The following GNPAT variants were observed in gnomAD, a reference collection of about 807,000 sequenced individuals.
The protein encoded by GNPAT is glyceronephosphate O-acyltransferase, also known as dihydroxyacetone phosphate acyltransferase.
Under a neutral mutation model 78.4 loss-of-function variants are expected in GNPAT, and 30 were observed. The observed-to-expected ratio is 0.38, with a 90% confidence interval of 0.29 to 0.52. The LOEUF (loss-of-function observed/expected upper bound fraction) is 0.52, where lower values mean the gene tolerates loss of function less well. GNPAT is among the 20% of genes least tolerant of loss of function. GNPAT has a pLI of 0.84. For missense variants in GNPAT, 714 were observed against 812.2 expected (o/e 0.88, Z 1.47); for synonymous variants, 271 against 281.1 (o/e 0.96, Z 0.36).
intron 11 of GNPAT, among the ~76,000 whole-genome samples, 189 bp from the exon 12 acceptor site, chr1:231,273,733 T>A (rs1324150345): frequency 6.6e-6 from 1 of 152,206 alleles, no homozygotes; most frequent in East Asian, 1.9e-4. Context: ...CTTCTCTGGC[T>A]ACTATCTCAC....
intron 1 of GNPAT, among the ~76,000 whole-genome samples, chr1:231,246,668 G>A (rs964318699): frequency 1.3e-5 from 2 of 152,162 alleles, no homozygotes; most frequent in Non-Finnish European, 2.9e-5. Flanking sequence ...AACTTCTCAA[G>A]CATGGTATAG....
chr1:231,245,429 G>A (rs1052666735), intron 1 of GNPAT, among the ~76,000 whole-genome samples: 16 of 151,394 alleles, frequency 1.1e-4, no homozygotes, highest in Non-Finnish European at 2.2e-4. Context: ...TTTATTTTGT[G>A]TAGAGACAGG....
chr1:231,270,800 T>C lies in GNPAT; in HGVS notation c.1322T>C (p.Leu441Pro), dbSNP rs1685541166. Residue 441 changes from leucine (L) to proline (P), a missense_variant, in exon 10 of 16, where the codon CTG becomes CCG. Transcript: ENST00000366647. ...AEEVVPASIL[L>P]HSNIASLVKD... The stretch of plus-strand genomic sequence containing the variant: ...GAAGTTGTCCCGGCCAGCATTCTTC[T>C]GCATTCCAACATTGCCAGCCTTGTC... 1.2e-6 allele frequency: 2 copies of C among 1,614,082 alleles called. No homozygotes were observed. The highest frequency in any genetic ancestry group is 1.7e-6 in the Non-Finnish European group (2 of 1,179,882).
chr1:231,268,956 A>G (rs947441499), intron 9 of GNPAT, among the ~76,000 whole-genome samples: 2 of 150,324 alleles, frequency 1.3e-5, no homozygotes, highest in Non-Finnish European at 3.0e-5. Context: ...GTTTTTTTTT[A>G]AAGACCAGAT....
chr1:231,256,469 C>A lies in GNPAT; in HGVS notation c.262-4038C>A, dbSNP rs948427013. On this transcript the variant is annotated intron_variant, in intron 2 of 15. Transcript: ENST00000366647. Reference sequence around the variant, plus strand: ...CATACGCTGTCAGTCACTAAGACTGCTAATTTTCTCTTTTTTTTTTTTTTT... The same window carrying A: ...CATACGCTGTCAGTCACTAAGACTGATAATTTTCTCTTTTTTTTTTTTTTT... 1.4e-4 allele frequency among the ~76,000 whole-genome samples: 19 copies of A among 133,884 alleles called. No homozygotes were observed. The South Asian group carries it at 3.0e-3, about 21-fold the overall frequency. 87.8% of individuals were successfully genotyped at this position (133,884 alleles called of 152,430 possible). A position where few individuals can be genotyped will look rare whatever the true frequency, so the allele number is the denominator to read the frequency against.
At position 231,241,291 on chromosome 1, in the gene GNPAT, C is replaced by A. The variant is rs529367950; in HGVS notation, c.-88C>A. On this transcript the variant is annotated 5_prime_UTR_variant, in exon 1 of 16. Coordinates refer to ENST00000366647, the MANE Select transcript of GNPAT (RefSeq NM_014236.4). ...GCCGCCGCCCTAGGCGAAGTAGGGC[C>A]GTCCTGAGCGAAAGAACCGCCCCCA... The A allele has an allele frequency of 1.3e-4, 188 of 1,394,130 alleles. No individual in the cohort carries two copies. The African/African-American group carries it at 2.4e-3, about 18-fold the overall frequency. The allele number at this position is 1,394,130 out of a possible 1,614,324, so 86.4% of individuals were successfully genotyped here.
In GNPAT at chr1:231,246,031, G is replaced by T. The variant is rs528469624; in HGVS notation, c.78+4575G>T. On this transcript the variant is annotated intron_variant, in intron 1 of 15. Transcript: ENST00000366647. ...CGATTAAATCCTGTTTTTAAAAAAG[G>T]TAATAAATACTGATAACTTAACATT... Among the ~76,000 whole-genome samples the T allele has an allele frequency of 2.0e-5, 3 of 152,250 alleles. No individual in the cohort carries two copies. The East Asian group carries it at 5.8e-4, about 29-fold the overall frequency.
intron 1 of GNPAT, among the ~76,000 whole-genome samples, chr1:231,247,907 T>A (rs1684791824): frequency 6.6e-6 from 1 of 152,168 alleles, no homozygotes; most frequent in East Asian, 1.9e-4. Context: ...CAGGTGGACT[T>A]GATGTAAGTC....
rs528635489 is a variant in GNPAT at position 231,264,919 on chromosome 1, C to G, written c.569-374C>G. 2.8e-3 allele frequency among the ~76,000 whole-genome samples: 420 copies of G among 152,332 alleles called. 1 individual carries two copies. The highest frequency in any genetic ancestry group is 9.6e-3 in the African/African-American group (398 of 41,578). On this transcript the variant is annotated intron_variant, in intron 4 of 15. Coordinates refer to ENST00000366647, the MANE Select transcript of GNPAT (RefSeq NM_014236.4). ...AAAGGGAGTGGTGCATGGAGAAGCA[C>G]AAGGTAACCTCCCAGTGAGCACCTG...
At chr1:231,265,637 A>C in intron 5 of GNPAT, 75 bp from the exon 6 acceptor site, 1 of 981,280 alleles carries the variant, frequency 1.0e-6, no homozygotes, top group Non-Finnish European at 1.7e-6. Flanking sequence ...AGCTTGGGAA[A>C]AGGAATCAAA....
rs1000936677 is a variant in GNPAT, at chr1:231,252,062, A to G, written c.261+919A>G. ...ATTGTATTTTATCCTAGTACAGTGC[A>G]AAGATGTTGAAAGGTTTCAAGATAC... On this transcript the variant is annotated intron_variant, in intron 2 of 15. Coordinates refer to ENST00000366647, the MANE Select transcript of GNPAT (RefSeq NM_014236.4). 2.6e-5 allele frequency among the ~76,000 whole-genome samples: 4 copies of G among 152,218 alleles called. No individual in the cohort carries two copies. The South Asian group carries it at 6.2e-4, about 24-fold the overall frequency.
chr1:231,249,591 A>G (rs1684836496), intron 1 of GNPAT, among the ~76,000 whole-genome samples: 2 of 152,236 alleles, frequency 1.3e-5, no homozygotes, highest in Admixed American at 1.3e-4. Flanking sequence ...CATGCATACA[A>G]TTACAGTGTT....
intron 3 of GNPAT, 69 bp from the exon 4 acceptor site, chr1:231,262,654 T>G: frequency 8.0e-7 from 1 of 1,245,080 alleles, no homozygotes; most frequent in Non-Finnish European, 1.2e-6. Context: ...TTCTTCCGTT[T>G]TCTGATTTGA....
At chr1:231,262,473 G>A (rs1230601441) in intron 3 of GNPAT, among the ~76,000 whole-genome samples, 1 of 152,108 alleles carries the variant, frequency 6.6e-6, no homozygotes, top group Admixed American at 6.6e-5. Flanking sequence ...ATATGTTAGC[G>A]ATCATCACTG....
At chr1:231,247,251 C>T (rs1256075154) in intron 1 of GNPAT, among the ~76,000 whole-genome samples, 1 of 151,998 alleles carries the variant, frequency 6.6e-6, no homozygotes, top group Admixed American at 6.5e-5. Context: ...GAGGAGCCAT[C>T]ATCGATAGGG....
At chr1:231,256,063 C>CA (rs1685047875) in intron 2 of GNPAT, among the ~76,000 whole-genome samples, 1 of 152,110 alleles carries the variant, frequency 6.6e-6, no homozygotes, top group African/African-American at 2.4e-5. Context: ...TTTTATTCTA[C>CA]CCAGTCACTG....
chr1:231,246,454 G>A (rs1684751810), intron 1 of GNPAT, among the ~76,000 whole-genome samples: 1 of 152,206 alleles, frequency 6.6e-6, no homozygotes, highest in African/African-American at 2.4e-5. Flanking sequence ...TGAGCTCTCA[G>A]TCACTATCTG....
Position 231,241,473 on chromosome 1 carries a change from A to G in GNPAT, c.78+17A>G, listed in dbSNP as rs1332850417. On this transcript the variant is annotated intron_variant, in intron 1 of 15. Transcript: ENST00000366647. The stretch of plus-strand genomic sequence containing the variant: ...CTCTACTCGGTAGGCGCCCAGGGAA[A>G]AGAGGCCCAGAGCGGAGCCGCGCGA... 4 of 1,584,792 alleles carry G rather than the reference A, an allele frequency of 2.5e-6. No individual in the cohort carries two copies. The highest frequency in any genetic ancestry group is 1.3e-5 in the African/African-American group (1 of 74,314).
chr1:231,274,102 T>A (rs1685643843), intron 12 of GNPAT, 40 bp downstream of exon 12: 2 of 1,552,928 alleles, frequency 1.3e-6, no homozygotes, highest in Admixed American at 1.7e-5. Context: ...GCCCCCCATA[T>A]CAAATATAAT....
Sources: allele counts gnomAD v4.1 joint callset (sites outside exome capture counted in the v4.1 genomes callset), GRCh38; gene constraint gnomAD v4.1.1; transcripts MANE v1.5; gene names NCBI Gene and HGNC (gene_info 2026-07-23, HGNC 2026-07-21).